The following PCDHGA8 variants were observed in gnomAD, a reference collection of about 807,000 sequenced individuals.
The protein encoded by PCDHGA8 is protocadherin gamma subfamily A, 8, also known as protocadherin gamma-A8.
Under a neutral mutation model 59.2 loss-of-function variants are expected in PCDHGA8, and 45 were observed. The ratio of observed to expected loss-of-function variants is 0.76; its 90% CI spans 0.60 to 0.98. PCDHGA8 has a LOEUF of 0.98. PCDHGA8 is among the 50% of genes least tolerant of loss of function. PCDHGA8 has a pLI of 0.00. For missense variants in PCDHGA8, 1,257 were observed against 1,196.2 expected, an observed-to-expected ratio of 1.05 and a Z score of -0.75; for synonymous variants, 531 against 519.0, an observed-to-expected ratio of 1.02 and a Z score of -0.32.
chr5:141,511,345 T>TC lies in PCDHGA8; in HGVS notation c.*179dup, dbSNP rs535135679. The TC allele has an allele frequency of 6.6e-4, 924 of 1,410,366 alleles. 3 individuals are homozygous for TC. The African/African-American group carries it at 0.011, about 17-fold the overall frequency. 87.4% of individuals were successfully genotyped at this position (1,410,366 alleles called of 1,614,324 possible). ...AAGTGCCCAGTCAGCACCTACCCCT[T>TC]CCCCCCCAGGGGGTTGAATATGCAA... On this transcript the variant is annotated 3_prime_UTR_variant, in exon 4 of 4. Coordinates refer to ENST00000398604, the MANE Select transcript of PCDHGA8 (RefSeq NM_032088.2).
At chr5:141,488,913 A>G (rs887938731) in intron 1 of PCDHGA8, among the ~76,000 whole-genome samples, 4 of 152,196 alleles carry the variant, frequency 2.6e-5, no homozygotes, top group African/African-American at 7.2e-5. Flanking sequence ...TGTGTTCCCA[A>G]GGTTTCCAGG....
At chr5:141,400,538 A>G (rs994052728) in intron 1 of PCDHGA8, 1 of 1,613,662 alleles carries the variant, frequency 6.2e-7, no homozygotes, top group African/African-American at 1.3e-5. Context: ...AGTTTCATTT[A>G]TGTCTATTCT....
chr5:141,401,290 C>G (rs1460193254), intron 1 of PCDHGA8, among the ~76,000 whole-genome samples: 1 of 151,710 alleles, frequency 6.6e-6, no homozygotes, highest in South Asian at 2.1e-4. Context: ...TGCGGTGAGC[C>G]GAGATCACTC....
chr5:141,465,778 A>G (rs544366126), intron 1 of PCDHGA8, among the ~76,000 whole-genome samples: 1 of 148,538 alleles, frequency 6.7e-6, no homozygotes, highest in East Asian at 1.9e-4. Context: ...CTCTTGTTAC[A>G]GTTTTTTTTT....
Position 141,398,701 on chromosome 5 carries a change from C to T in PCDHGA8, c.2424+3464C>T, listed in dbSNP as rs757215015. On this transcript the variant is annotated intron_variant, in intron 1 of 3. Transcript: ENST00000398604. Reference sequence around the variant, plus strand: ...GGAGAAACAGGATGGTAGTAAATACCCGGAACTGGCACTGGAGAAAACCTT... The same window carrying T: ...GGAGAAACAGGATGGTAGTAAATACTCGGAACTGGCACTGGAGAAAACCTT... The T allele has an allele frequency of 1.2e-5, 20 of 1,613,658 alleles. No homozygotes were observed. In the Admixed American group the frequency reaches 3.3e-4, roughly 27 times the overall value.
In PCDHGA8 at chr5:141,422,911, G is replaced by C. The variant is rs375046528; in HGVS notation, c.2424+27674G>C. ...GCTGGACCAGAACGACAATGCGCCC[G>C]AGATCCTGTACCCTGCCCTCCCCAC... On this transcript the variant is annotated intron_variant, in intron 1 of 3. Transcript: ENST00000398604. 41 of 1,614,236 alleles carry C rather than the reference G, an allele frequency of 2.5e-5. No individual in the cohort carries two copies. Among genetic ancestry groups the C allele is most frequent in the Non-Finnish European group, 3.2e-5 (38 of 1,180,046 alleles).
At chr5:141,403,157 A>G in intron 1 of PCDHGA8, 3 of 1,614,030 alleles carry the variant, frequency 1.9e-6, no homozygotes, top group Non-Finnish European at 8.5e-7. Context: ...CATCGTCTCT[A>G]GAGGTAGGAC....
In PCDHGA8 at chr5:141,431,024, A is replaced by G; in HGVS notation, c.2424+35787A>G. ...CAGCGGCAGCTTGGTCACGGCGGGCAGGATAGACCGGGAGGAGCTCTGTAT... is the reference window on the plus strand; with the variant it reads ...CAGCGGCAGCTTGGTCACGGCGGGCGGGATAGACCGGGAGGAGCTCTGTAT... On this transcript the variant is annotated intron_variant, in intron 1 of 3. Transcript: ENST00000398604. The surrounding 1 kb of genome is among the most constrained non-coding windows in gnomAD (Gnocchi z 4.8). 2.5e-6 allele frequency: 4 copies of G among 1,614,024 alleles called. No homozygotes were observed. The highest frequency in any genetic ancestry group is 3.4e-6 in the Non-Finnish European group (4 of 1,179,926).
Position 141,393,614 on chromosome 5 carries a change from C to G in PCDHGA8, c.801C>G (p.Ser267Arg). Residue 267 changes from serine to arginine, a missense_variant, in exon 1 of 4, where the codon AGC (serine) becomes AGG (arginine). Transcript: ENST00000398604. ...PGTRLLTVTA[S>R]DPDEGINGKV... ...CGCGGCTGCTTACTGTAACAGCCAG[C>G]GACCCGGATGAGGGAATCAACGGAA... 1 of 1,613,778 alleles carries G rather than the reference C, an allele frequency of 6.2e-7. No individual in the cohort carries two copies. The highest frequency in any genetic ancestry group is 8.5e-7 in the Non-Finnish European group (1 of 1,179,886).
intron 1 of PCDHGA8, among the ~76,000 whole-genome samples, chr5:141,464,935 T>A (rs1157718693): frequency 6.6e-6 from 1 of 151,882 alleles, no homozygotes; most frequent in African/African-American, 2.4e-5. Flanking sequence ...AGATGTGAGG[T>A]CTCACTATGT....
rs932721053 is a variant in PCDHGA8 at position 141,398,645 on chromosome 5, C to G, written c.2424+3408C>G. 1.3e-5 allele frequency: 21 copies of G among 1,613,938 alleles called. No homozygotes were observed. In the Admixed American group the frequency reaches 3.3e-4, roughly 26 times the overall value. The stretch of plus-strand genomic sequence containing the variant: ...AACTCTCTGCAGAAGTATAAACTCT[C>G]TCTTAACCCAAGTTTCTCATTAATA... On this transcript the variant is annotated intron_variant, in intron 1 of 3. Coordinates refer to ENST00000398604, the MANE Select transcript of PCDHGA8 (RefSeq NM_032088.2).
intron 1 of PCDHGA8, among the ~76,000 whole-genome samples, chr5:141,462,868 T>C (rs1232965498): frequency 6.6e-6 from 1 of 152,228 alleles, no homozygotes; most frequent in East Asian, 1.9e-4. Context: ...TTTGTCTTTC[T>C]TTAAGAACTA....
At chr5:141,481,210 G>A (rs1351826116) in intron 1 of PCDHGA8, among the ~76,000 whole-genome samples, 2 of 152,128 alleles carry the variant, frequency 1.3e-5, no homozygotes, top group Admixed American at 1.3e-4. Context: ...TAAAAAACAT[G>A]GTAAGGTCTC....
chr5:141,404,685 C>T (rs554522683), intron 1 of PCDHGA8: 1 of 1,614,010 alleles, frequency 6.2e-7, no homozygotes, highest in South Asian at 1.1e-5. Flanking sequence ...GTGGAGCTGG[C>T]ACCCCGCTCT....
At chr5:141,427,712 C>CCTGG (rs1319672065) in intron 1 of PCDHGA8, 7 of 1,051,350 alleles carry the variant, frequency 6.7e-6, no homozygotes, top group Non-Finnish European at 1.0e-5. Context: ...GCGCCTCTGA[C>CCTGG]CTGGACCTAG....
At chr5:141,419,053 T>C in intron 1 of PCDHGA8, 1 of 1,613,954 alleles carries the variant, frequency 6.2e-7, no homozygotes, top group South Asian at 1.1e-5. Context: ...ATTCTTCTTC[T>C]AATAATTACT....
chr5:141,407,599 AAAG>A (rs1328416590), intron 1 of PCDHGA8, among the ~76,000 whole-genome samples: 13 of 152,198 alleles, frequency 8.5e-5, no homozygotes, highest in Admixed American at 2.0e-4. Flanking sequence ...CTCATCTTAA[AAAG>A]AAGCATTGGT....
chr5:141,505,528 C>T (rs746609783), intron 3 of PCDHGA8, 47 bp downstream of exon 3: 4 of 1,612,320 alleles, frequency 2.5e-6, no homozygotes, highest in Non-Finnish European at 3.4e-6. Context: ...ACCTGGGGTT[C>T]TGGGGTGCAT....
chr5:141,394,467 G>C lies in PCDHGA8; in HGVS notation c.1654G>C (p.Val552Leu), dbSNP rs558211393. The change falls in exon 1 of 4, where the codon GTG (valine) becomes CTG (leucine). Residue 552 changes from valine (V) to leucine (L), a missense_variant. Transcript: ENST00000398604. Reference sequence around the variant, plus strand: ...CAGCAACATGTCACTGAGCCTGTTCGTGCTGGACCAGAATGACAACGCGCC... The same window carrying C: ...CAGCAACATGTCACTGAGCCTGTTCCTGCTGGACCAGAATGACAACGCGCC... ...LSSNMSLSLFVLDQNDNAPEI... is the reference protein window; with the variant it reads ...LSSNMSLSLFLLDQNDNAPEI... The C allele has an allele frequency of 3.1e-6, 5 of 1,614,120 alleles. No individual in the cohort carries two copies. Among genetic ancestry groups the C allele is most frequent in the African/African-American group, 1.3e-5 (1 of 74,952 alleles).
Sources: gnomAD v4.1 joint callset for allele counts (sites outside exome capture counted in the v4.1 genomes callset) on GRCh38, gnomAD v4.1.1 for gene constraint, Gnocchi (gnomAD v3.1) non-coding constraint, MANE v1.5 for transcripts, NCBI Gene and HGNC (gene_info 2026-07-23, HGNC 2026-07-21) for gene names.